The following LIN28B variants were observed in gnomAD, a reference collection of about 807,000 sequenced individuals.
LIN28B encodes the protein lin-28 RNA binding posttranscriptional regulator B.
Under a neutral mutation model 21.9 loss-of-function variants are expected in LIN28B, and 5 were observed. The observed-to-expected ratio is 0.23, with a 90% CI of 0.12 to 0.48. LIN28B has a LOEUF of 0.48. LIN28B is among the 20% of genes least tolerant of loss of function. The probability of loss-of-function intolerance (pLI) is 0.98; values close to 1 mark genes in which losing one functional copy is unlikely to be tolerated. For synonymous variants in LIN28B, 109 were observed against 111.3 expected (o/e 0.98, Z 0.13); for missense variants, 245 against 310.5 (o/e 0.79, Z 1.58).
intron 3 of LIN28B, among the ~76,000 whole-genome samples, chr6:104,951,513 G>A (rs972619716): frequency 9.2e-5 from 14 of 151,816 alleles, no homozygotes; most frequent in African/African-American, 3.4e-4. Context: ...TCTTATTATT[G>A]TTTTCATTTA....
In LIN28B at chr6:105,034,343, C is replaced by G. The variant is rs116235518; in HGVS notation, c.383+7861C>G. ...ATAATACATTCTGCTGCTTTTATTTCATTTTGTTCAATATTTAGTTTTTAT... is the reference window on the plus strand; with the variant it reads ...ATAATACATTCTGCTGCTTTTATTTGATTTTGTTCAATATTTAGTTTTTAT... On this transcript the variant is annotated intron_variant, in intron 3 of 3. Transcript: ENST00000345080. Among the ~76,000 whole-genome samples the G allele has an allele frequency of 6.0e-3, 917 of 151,914 alleles. 9 individuals carry two copies. Among genetic ancestry groups the G allele is most frequent in the African/African-American group, 0.021 (856 of 41,508 alleles).
At chr6:105,045,284 G>GTTTTTTTTTT (rs57205680) in intron 3 of LIN28B, among the ~76,000 whole-genome samples, 1 of 116,848 alleles carries the variant, frequency 8.6e-6, no homozygotes, top group African/African-American at 3.4e-5. Context: ...ATGTCATTCT[G>GTTTTTTTTTT]TTTTTTTTTT....
At chr6:105,074,097 G>C (rs1161497751) in intron 3 of LIN28B, among the ~76,000 whole-genome samples, 1 of 152,106 alleles carries the variant, frequency 6.6e-6, no homozygotes, top group Admixed American at 6.6e-5. Flanking sequence ...AATTACTTCA[G>C]AATATAATTA....
intron 3 of LIN28B, among the ~76,000 whole-genome samples, chr6:105,034,631 C>T (rs1771490800): frequency 6.6e-6 from 1 of 151,960 alleles, no homozygotes; most frequent in Non-Finnish European, 1.5e-5. Context: ...AATGGTACAT[C>T]ATGGTGTATT....
At chr6:105,005,690 G>T (rs184042768) in intron 2 of LIN28B, among the ~76,000 whole-genome samples, 1 of 152,154 alleles carries the variant, frequency 6.6e-6, no homozygotes, top group Non-Finnish European at 1.5e-5. Flanking sequence ...GTTTCTTAAG[G>T]CCTCCCACTC....
intron 3 of LIN28B, among the ~76,000 whole-genome samples, chr6:105,077,944 T>C (rs1562116589): frequency 6.6e-6 from 1 of 152,264 alleles, no homozygotes; most frequent in Non-Finnish European, 1.5e-5. Flanking sequence ...GTTAAACTTT[T>C]AAATTTGGTC....
intron 2 of LIN28B, among the ~76,000 whole-genome samples, chr6:104,944,361 A>G (rs935394027): frequency 1.3e-5 from 2 of 152,150 alleles, no homozygotes; most frequent in Admixed American, 1.3e-4. Flanking sequence ...CAAAAACTGT[A>G]CAGTTTTAGT....
chr6:104,979,220 T>G (rs2114602485), intron 2 of LIN28B, among the ~76,000 whole-genome samples: 1 of 151,930 alleles, frequency 6.6e-6, no homozygotes, highest in Non-Finnish European at 1.5e-5. Context: ...ATTTAATTTT[T>G]TTTTTTTTAT....
intron 2 of LIN28B, among the ~76,000 whole-genome samples, chr6:105,006,254 C>T (rs1005333797): frequency 2.6e-5 from 4 of 152,140 alleles, no homozygotes; most frequent in South Asian, 2.1e-4. Context: ...ATTCACTTTT[C>T]GGTTCCAATT....
chr6:105,029,924 T>C (rs905399649), intron 3 of LIN28B, among the ~76,000 whole-genome samples: 1 of 152,104 alleles, frequency 6.6e-6, no homozygotes, highest in Admixed American at 6.6e-5. Flanking sequence ...AGTAAACACA[T>C]GGGGTGTGGG....
At chr6:104,975,905 A>ATAGG (rs1770082807) in intron 2 of LIN28B, among the ~76,000 whole-genome samples, 1 of 146,872 alleles carries the variant, frequency 6.8e-6, no homozygotes, top group African/African-American at 2.5e-5. Context: ...TCAAACTCCT[A>ATAGG]AGCTCAAGCA....
At position 104,983,900 on chromosome 6, in the gene LIN28B, T is replaced by C. The variant is rs569467490; in HGVS notation, c.198+25614T>C. On this transcript the variant is annotated intron_variant, in intron 2 of 3. Coordinates refer to ENST00000345080, the MANE Select transcript of LIN28B (RefSeq NM_001004317.4). Reference sequence around the variant, plus strand: ...CGATTCTCCAGGTGTTTTAAATTTTTTTCTGATCGGCTACAGACCAAATCC... The same window carrying C: ...CGATTCTCCAGGTGTTTTAAATTTTCTTCTGATCGGCTACAGACCAAATCC... Among the ~76,000 whole-genome samples, 4 of 152,332 alleles carry C rather than the reference T, an allele frequency of 2.6e-5. No homozygotes were observed. The South Asian group carries it at 6.2e-4, about 24-fold the overall frequency.
intron 2 of LIN28B, among the ~76,000 whole-genome samples, chr6:104,976,365 T>C (rs1770093276): frequency 6.6e-6 from 1 of 152,068 alleles, no homozygotes; most frequent in Non-Finnish European, 1.5e-5. Flanking sequence ...TGATGAAGAA[T>C]GAAGAACGAG....
chr6:104,998,070 CATAATT>C (rs1770649220), intron 2 of LIN28B, among the ~76,000 whole-genome samples: 1 of 152,114 alleles, frequency 6.6e-6, no homozygotes, highest in South Asian at 2.1e-4. Context: ...TTGTTTTAGT[CATAATT>C]AGAATAGTTT....
chr6:105,059,409 A>G (rs771263547), intron 3 of LIN28B, among the ~76,000 whole-genome samples: 1 of 152,148 alleles, frequency 6.6e-6, no homozygotes, highest in Non-Finnish European at 1.5e-5. Flanking sequence ...AGCTTTAGCT[A>G]CTGTCTGTTC....
intron 2 of LIN28B, among the ~76,000 whole-genome samples, chr6:105,020,409 C>T (rs1409850428): frequency 6.6e-6 from 1 of 151,384 alleles, no homozygotes; most frequent in Non-Finnish European, 1.5e-5. Flanking sequence ...GCATGAAGTG[C>T]AGTATTGAGA....
chr6:105,015,884 A>G (rs1002648074), intron 2 of LIN28B, among the ~76,000 whole-genome samples: 13 of 152,184 alleles, frequency 8.5e-5, no homozygotes, highest in Non-Finnish European at 1.9e-4. Context: ...GAAAATAGGA[A>G]ACAAAGCTTA....
intron 2 of LIN28B, among the ~76,000 whole-genome samples, chr6:104,941,823 G>C (rs1294402519): frequency 6.6e-6 from 1 of 152,188 alleles, no homozygotes; most frequent in Non-Finnish European, 1.5e-5. Flanking sequence ...ATTGGATGCG[G>C]GTGCTTTGTG....
At chr6:104,976,579 A>C (rs1399924542) in intron 2 of LIN28B, among the ~76,000 whole-genome samples, 1 of 152,242 alleles carries the variant, frequency 6.6e-6, no homozygotes, top group Non-Finnish European at 1.5e-5. Flanking sequence ...CAGAGTGTAA[A>C]GTGCCAAGAT....
Sources: allele counts gnomAD v4.1 joint callset (sites outside exome capture counted in the v4.1 genomes callset), GRCh38; gene constraint gnomAD v4.1.1; transcripts MANE v1.5; gene names NCBI Gene and HGNC (gene_info 2026-07-23, HGNC 2026-07-21).